SCHIP1: variants seen among roughly 807,000 people sequenced by gnomAD.
SCHIP1 encodes schwannomin-interacting protein 1.
A neutral mutation model predicts 29.7 loss-of-function variants in SCHIP1; 8 were observed. The observed-to-expected ratio is 0.27, with a 90% confidence interval of 0.16 to 0.49. SCHIP1 has a LOEUF of 0.49. SCHIP1 is among the 20% of genes least tolerant of loss of function. SCHIP1 has a pLI of 0.99. For synonymous variants in SCHIP1, 76 were observed against 94.9 expected, an observed-to-expected ratio of 0.80 and a Z score of 1.16; for missense variants, 193 against 294.6, an observed-to-expected ratio of 0.66 and a Z score of 2.52.
At chr3:159,360,010 G>C in the SCHIP1 span, among the ~76,000 whole-genome samples, 1 of 152,058 alleles carries the variant, frequency 6.6e-6, no homozygotes, top group East Asian at 1.9e-4. Flanking sequence ...GGGCAGGGTG[G>C]GTTTAATAAA....
the SCHIP1 span, among the ~76,000 whole-genome samples, chr3:159,288,429 G>T: frequency 2.6e-5 from 4 of 152,104 alleles, no homozygotes; most frequent in Non-Finnish European, 4.4e-5. Flanking sequence ...ATAACCTTTT[G>T]CTAGGATCTT....
chr3:159,607,147 A>G, the SCHIP1 span, among the ~76,000 whole-genome samples: 1 of 152,136 alleles, frequency 6.6e-6, no homozygotes, highest in African/African-American at 2.4e-5. Flanking sequence ...CCATTTTCCT[A>G]TTGAAGAGTT....
rs1458893045 is a variant in SCHIP1, at chr3:159,891,948, C to A, written c.590-149C>A. On this transcript the variant is annotated intron_variant, in intron 5 of 6. Coordinates refer to ENST00000445224, the Ensembl canonical transcript of SCHIP1. ...CCTCTATAATTATGCAAACTAGACA[C>A]GTTTCTGCAACATACGATGTCTAAC... 11 of 820,762 alleles carry A rather than the reference C, an allele frequency of 1.3e-5. No homozygotes were observed. In the South Asian group the frequency reaches 2.0e-4, roughly 15 times the overall value. 50.8% of individuals were successfully genotyped at this position (820,762 alleles called of 1,614,324 possible). A position where few individuals can be genotyped will look rare whatever the true frequency, so the allele number is the denominator to read the frequency against.
chr3:159,631,265 G>A, the SCHIP1 span, among the ~76,000 whole-genome samples: 7 of 151,716 alleles, frequency 4.6e-5, no homozygotes, highest in Admixed American at 4.6e-4. Context: ...TGTGACTACT[G>A]TGGAAAACAG....
the SCHIP1 span, among the ~76,000 whole-genome samples, chr3:159,637,013 A>G: frequency 6.6e-5 from 10 of 152,166 alleles, no homozygotes; most frequent in African/African-American, 2.4e-4. Context: ...TAACTTATTG[A>G]TATTACACTA....
chr3:159,563,693 G>A, the SCHIP1 span, among the ~76,000 whole-genome samples: 1 of 152,006 alleles, frequency 6.6e-6, no homozygotes, highest in African/African-American at 2.4e-5. Context: ...AGGCATGGTG[G>A]TGCACACCCG....
chr3:159,705,942 T>C, the SCHIP1 span, among the ~76,000 whole-genome samples: 1 of 152,002 alleles, frequency 6.6e-6, no homozygotes, highest in South Asian at 2.1e-4. Flanking sequence ...CCTGACCTCA[T>C]GATCCACCCG....
chr3:159,278,689 T>A, the SCHIP1 span, among the ~76,000 whole-genome samples: 5 of 152,100 alleles, frequency 3.3e-5, no homozygotes, highest in Non-Finnish European at 7.4e-5. Flanking sequence ...ATTCAAGGGG[T>A]CAATATCAAG....
chr3:159,535,833 G>A, the SCHIP1 span, among the ~76,000 whole-genome samples: 1 of 152,136 alleles, frequency 6.6e-6, no homozygotes, highest in African/African-American at 2.4e-5. Context: ...GTGTCTGTGT[G>A]TGTGTATTCT....
the SCHIP1 span, among the ~76,000 whole-genome samples, chr3:159,594,644 A>C: frequency 6.6e-6 from 1 of 152,206 alleles, no homozygotes; most frequent in South Asian, 2.1e-4. Context: ...GATGGTGCTC[A>C]TCTCTAGAAA....
In SCHIP1 at chr3:159,864,205, T is replaced by C. The variant is rs144275609; in HGVS notation, c.31-1958T>C. On this transcript the variant is annotated intron_variant, in intron 1 of 6. Transcript: ENST00000445224. Reference sequence around the variant, plus strand: ...TAAATAAAGGTGTCAAGTGATGTGATTCTGTTTTGGCTGGACCATCCCAAG... The same window carrying C: ...TAAATAAAGGTGTCAAGTGATGTGACTCTGTTTTGGCTGGACCATCCCAAG... 4.8e-3 allele frequency among the ~76,000 whole-genome samples: 732 copies of C among 152,246 alleles called. 9 individuals carry two copies. Among genetic ancestry groups the C allele is most frequent in the African/African-American group, 0.017 (704 of 41,544 alleles).
At chr3:159,437,828 G>A in the SCHIP1 span, among the ~76,000 whole-genome samples, 1 of 152,106 alleles carries the variant, frequency 6.6e-6, no homozygotes, top group Non-Finnish European at 1.5e-5. Flanking sequence ...TTTAATCATG[G>A]AATCTTTGAG....
chr3:159,341,598 C>A, the SCHIP1 span, among the ~76,000 whole-genome samples: 1 of 152,162 alleles, frequency 6.6e-6, no homozygotes, highest in South Asian at 2.1e-4. Context: ...CTACCCCCAT[C>A]TGTGGGAGGA....
the SCHIP1 span, among the ~76,000 whole-genome samples, chr3:159,354,437 G>T: frequency 6.6e-6 from 1 of 152,120 alleles, no homozygotes; most frequent in Non-Finnish European, 1.5e-5. Context: ...ATAAAGAGAG[G>T]CAGTACATAT....
the SCHIP1 span, among the ~76,000 whole-genome samples, chr3:159,752,012 A>G: frequency 6.6e-6 from 1 of 152,070 alleles, no homozygotes; most frequent in African/African-American, 2.4e-5. Flanking sequence ...AGATCTGGTT[A>G]TTCAAAAGTG....
At chr3:159,761,070 AAAG>A in the SCHIP1 span, among the ~76,000 whole-genome samples, 1 of 152,242 alleles carries the variant, frequency 6.6e-6, no homozygotes, top group Admixed American at 6.5e-5. Flanking sequence ...AAATTTACCA[AAAG>A]AAGTGGGGTG....
At chr3:159,459,176 T>A in the SCHIP1 span, among the ~76,000 whole-genome samples, 5 of 152,146 alleles carry the variant, frequency 3.3e-5, no homozygotes, top group African/African-American at 1.2e-4. Flanking sequence ...TGCTGTTCAC[T>A]CACATTCTTC....
At chr3:159,846,268 G>C (rs1711827936) in intron 1 of SCHIP1, among the ~76,000 whole-genome samples, 2 of 152,156 alleles carry the variant, frequency 1.3e-5, no homozygotes, top group African/African-American at 4.8e-5. Flanking sequence ...CAGCCCAATT[G>C]AGGTATCATA....
chr3:159,821,159 G>A, the SCHIP1 span, among the ~76,000 whole-genome samples: 5 of 152,272 alleles, frequency 3.3e-5, no homozygotes, highest in East Asian at 1.9e-4. Flanking sequence ...TATGTTGAAC[G>A]TTGCTCATAG....
Sources: gnomAD v4.1 joint callset for allele counts (sites outside exome capture counted in the v4.1 genomes callset) on GRCh38, gnomAD v4.1.1 for gene constraint, MANE v1.5 for transcripts, NCBI Gene and HGNC (gene_info 2026-07-23, HGNC 2026-07-21) for gene names.